The following DPEP1 variants were observed in gnomAD, a reference collection of about 807,000 sequenced individuals.
DPEP1 encodes the protein beta-lactamase.
A neutral mutation model predicts 42.3 loss-of-function variants in DPEP1; 50 were observed. The observed-to-expected ratio is 1.18, with a 90% CI of 0.94 to 1.50. The LOEUF is 1.50. Ranked by LOEUF, DPEP1 falls within the 40% of genes most tolerant of loss-of-function variation. DPEP1 has a pLI of 0.00. For synonymous variants in DPEP1, 297 were observed against 234.0 expected (o/e 1.27, Z -2.46); for missense variants, 663 against 553.0 (o/e 1.20, Z -1.99).
chr16:89,623,334 G>A (rs1197032471), intron 1 of DPEP1, among the ~76,000 whole-genome samples: 1 of 151,976 alleles, frequency 6.6e-6, no homozygotes, highest in African/African-American at 2.4e-5. Context: ...AAGGGCCCTG[G>A]TAACCGGGCA....
intron 1 of DPEP1, among the ~76,000 whole-genome samples, chr16:89,628,912 C>T (rs1049304849): frequency 2.0e-4 from 31 of 151,904 alleles, no homozygotes; most frequent in African/African-American, 6.5e-4. Flanking sequence ...CAGCAACCTC[C>T]GCCTCCCGGG....
chr16:89,631,420 C>G (rs1027566071), intron 2 of DPEP1, among the ~76,000 whole-genome samples: 2 of 152,222 alleles, frequency 1.3e-5, no homozygotes, highest in African/African-American at 2.4e-5. Context: ...AGGGTCCACA[C>G]TGGCTCCGCG....
chr16:89,635,289 A>T (rs971555913), intron 2 of DPEP1, among the ~76,000 whole-genome samples: 1 of 151,644 alleles, frequency 6.6e-6, no homozygotes, highest in Non-Finnish European at 1.5e-5. Context: ...AAAACCTTGG[A>T]GAACTTCAGT....
chr16:89,635,794 G>C lies in DPEP1; in HGVS notation c.105-114G>C, dbSNP rs1319225671. On this transcript the variant is annotated intron_variant, in intron 2 of 10. Coordinates refer to ENST00000690203, the MANE Select transcript of DPEP1 (RefSeq NM_001389466.1). ...CCCCCGCGGCCTAGACTTCAGTCCTGCGTCTGTCGTGAGGAGTAGGAAGTG... is the reference window on the plus strand; with the variant it reads ...CCCCCGCGGCCTAGACTTCAGTCCTCCGTCTGTCGTGAGGAGTAGGAAGTG... 5.0e-6 allele frequency: 7 copies of C among 1,389,056 alleles called. No individual in the cohort carries two copies. The African/African-American group carries it at 8.7e-5, about 17-fold the overall frequency. The allele number at this position is 1,389,056 out of a possible 1,614,324, so 86.0% of individuals were successfully genotyped here. A position where few individuals can be genotyped will look rare whatever the true frequency, so the allele number is the denominator to read the frequency against.
At chr16:89,641,016 T>G (rs1346379918), downstream of DPEP1, among the ~76,000 whole-genome samples, 1 of 152,208 alleles carries the variant, frequency 6.6e-6, no homozygotes, top group African/African-American at 2.4e-5. Flanking sequence ...CTTCCCTGTT[T>G]GGCAGCCGAG....
chr16:89,615,510 T>C (rs1004558233), intron 1 of DPEP1, among the ~76,000 whole-genome samples: 6 of 152,204 alleles, frequency 3.9e-5, no homozygotes, highest in African/African-American at 7.2e-5. Flanking sequence ...ACAGCAGCCT[T>C]GCTCTCAGGG....
Position 89,625,876 on chromosome 16 carries a change from C to T in DPEP1, c.-106-4429C>T, listed in dbSNP as rs117184930. ...CCGAGAAATTGAACCAGCTCACCCACGCTGCCCTTGAACAGTGGTCGTGAG... is the reference window on the plus strand; with the variant it reads ...CCGAGAAATTGAACCAGCTCACCCATGCTGCCCTTGAACAGTGGTCGTGAG... On this transcript the variant is annotated intron_variant, in intron 1 of 10. Transcript: ENST00000690203. Among the ~76,000 whole-genome samples the T allele has an allele frequency of 2.0e-4, 31 of 152,296 alleles. No individual in the cohort carries two copies. In the East Asian group the frequency reaches 4.8e-3, roughly 24 times the overall value.
intron 2 of DPEP1, among the ~76,000 whole-genome samples, chr16:89,631,113 C>G (rs552393847): frequency 6.6e-6 from 1 of 152,068 alleles, no homozygotes; most frequent in South Asian, 2.1e-4. Context: ...GGGTGGCACC[C>G]TACAGGCCCT....
At position 89,630,456 on chromosome 16, in the gene DPEP1, G is replaced by A; in HGVS notation, c.46G>A (p.Ala16Thr). Reference protein sequence around the residue: ...WLWPLVAVCTADFFRDEAERI... With the variant: ...WLWPLVAVCTTDFFRDEAERI... ...GTGGCCCCTTGTGGCCGTCTGCACT[G>A]CAGACTTCTTTCGGGACGAGGCAGA... Residue 16 changes from alanine (A) to threonine (T), a missense_variant, in exon 2 of 11, where the codon GCA (alanine) becomes ACA (threonine). Ala to Thr is a moderately conservative substitution (Grantham distance 58). Transcript: ENST00000690203. The A allele has an allele frequency of 1.9e-6, 3 of 1,611,310 alleles. No homozygotes were observed. Among genetic ancestry groups the A allele is most frequent in the Non-Finnish European group, 2.5e-6 (3 of 1,179,118 alleles).
rs145919154 is a variant in DPEP1, at chr16:89,635,923, C to T, written c.120C>T (p.Pro40=). The T allele has an allele frequency of 8.7e-3, 14,016 of 1,606,332 alleles. 100 individuals carry two copies. The highest frequency in any genetic ancestry group is 0.01 in the Non-Finnish European group (12,252 of 1,176,598). The change falls in exon 3 of 11, where the codon CCC becomes CCT. Residue 40 remains proline (P), a synonymous_variant. Coordinates refer to ENST00000690203, the MANE Select transcript of DPEP1 (RefSeq NM_001389466.1). ...SPVIDGHNDL[P]WQLLDMFNNR... ...CAAACTCCAGGCACAATGACCTCCC[C>T]TGGCAGCTGCTGGATATGTTCAACA...
At chr16:89,620,898 A>G (rs2059439770) in intron 1 of DPEP1, 1 of 152,256 alleles carries the variant, frequency 6.6e-6, no homozygotes, top group African/African-American at 2.4e-5. Flanking sequence ...ACTGCCTGTG[A>G]TCCACCGTCA....
downstream of DPEP1, chr16:89,640,444 G>T (rs924511966): frequency 1.4e-4 from 71 of 504,660 alleles, no homozygotes; most frequent in Admixed American, 1.7e-3. Flanking sequence ...CTTGGCTGGA[G>T]GCCCTGAGTC....
downstream of DPEP1, among the ~76,000 whole-genome samples, chr16:89,638,669 ACACACACACACACCCCACCCCTG>A (rs1263943698): frequency 8.2e-5 from 11 of 134,240 alleles, no homozygotes; most frequent in Middle Eastern, 3.9e-3. Context: ...CCACCCCTGC[ACACACACACACACCCCACCCCTG>A]CACACACACA....
chr16:89,636,035 G>A lies in DPEP1; in HGVS notation c.232G>A (p.Gly78Ser). The A allele has an allele frequency of 6.2e-7, 1 of 1,607,752 alleles. No homozygotes were observed. ...IPKLRAGFVG[G>S]QFWSVYTPCD... is the part of the protein sequence containing the mutation. ...CAAGCTGAGGGCCGGCTTTGTGGGAGGCCAGGTACCGCCTGCCCTGCCTTG... is the reference window on the plus strand; with the variant it reads ...CAAGCTGAGGGCCGGCTTTGTGGGAAGCCAGGTACCGCCTGCCCTGCCTTG... The change falls in exon 3 of 11, where the codon GGC (glycine) becomes AGC (serine). Residue 78 changes from glycine (G) to serine (S), a missense_variant. By Grantham distance (56) the Gly-to-Ser change is moderately conservative. Transcript: ENST00000690203.
In DPEP1 at chr16:89,635,557, T is replaced by C. The variant is rs74033813; in HGVS notation, c.105-351T>C. On this transcript the variant is annotated intron_variant, in intron 2 of 10. Coordinates refer to ENST00000690203, the MANE Select transcript of DPEP1 (RefSeq NM_001389466.1). Reference sequence around the variant, plus strand: ...CACCCCCAGGCCCTTGCCCCTCACGTCTCCAATCCTGTCCACTGAGGTCAT... The same window carrying C: ...CACCCCCAGGCCCTTGCCCCTCACGCCTCCAATCCTGTCCACTGAGGTCAT... Among the ~76,000 whole-genome samples the C allele has an allele frequency of 9.1e-3, 1,385 of 152,162 alleles. 25 individuals are homozygous for C. Among genetic ancestry groups the C allele is most frequent in the African/African-American group, 0.032 (1,319 of 41,510 alleles).
rs780625996 is a variant in DPEP1 at position 89,635,858 on chromosome 16, A to G, written c.105-50A>G. 5 of 1,547,620 alleles carry G rather than the reference A, an allele frequency of 3.2e-6. No homozygotes were observed. In the East Asian group the frequency reaches 6.8e-5, roughly 21 times the overall value. Reference sequence around the variant, plus strand: ...AGAGGCCAGGAGCTCGGAAGCCCCCAGGTCCCAGTGGCCGCCCTGACTGCC... The same window carrying G: ...AGAGGCCAGGAGCTCGGAAGCCCCCGGGTCCCAGTGGCCGCCCTGACTGCC... On this transcript the variant is annotated intron_variant, in intron 2 of 10. Transcript: ENST00000690203.
chr16:89,615,847 G>T (rs1443325729), intron 1 of DPEP1, among the ~76,000 whole-genome samples: 2 of 152,192 alleles, frequency 1.3e-5, no homozygotes, highest in South Asian at 2.1e-4. Context: ...GGAGTGGGCT[G>T]TGTGGAGGGA....
intron 1 of DPEP1, among the ~76,000 whole-genome samples, chr16:89,618,949 CTCCCCTCCCTGCAGCCCCCCTG>C (rs2059411114): frequency 3.0e-5 from 2 of 66,938 alleles, no homozygotes; most frequent in Admixed American, 1.5e-4. Context: ...TGCCCCCCTG[CTCCCCTCCCTGCAGCCCCCCTG>C]CCCCCCCGCT....
intron 1 of DPEP1, among the ~76,000 whole-genome samples, chr16:89,618,669 C>A (rs1443595409): frequency 2.0e-5 from 3 of 152,134 alleles, no homozygotes; most frequent in East Asian, 3.9e-4. Context: ...TGGCTAGTTT[C>A]TTTATGTCTG....
Sources: allele counts gnomAD v4.1 joint callset (sites outside exome capture counted in the v4.1 genomes callset), GRCh38; gene constraint gnomAD v4.1.1; transcripts MANE v1.5; gene names NCBI Gene and HGNC (gene_info 2026-07-23, HGNC 2026-07-21).